TAF1A: variants seen among roughly 807,000 people sequenced by gnomAD.
TAF1A encodes TATA-box binding protein associated factor, RNA polymerase I subunit A, also known as TATA box-binding protein-associated factor RNA polymerase I subunit A.
A neutral mutation model predicts 61.6 loss-of-function variants in TAF1A; 42 were observed. That is an observed-to-expected ratio of 0.68 (90% CI 0.53 to 0.88). The LOEUF (loss-of-function observed/expected upper bound fraction) is 0.88, where lower values mean the gene tolerates loss of function less well. TAF1A is among the 40% of genes least tolerant of loss of function. The pLI is 0.00. For missense variants in TAF1A, 424 were observed against 518.7 expected (o/e 0.82, Z 1.77); for synonymous variants, 179 against 177.7 (o/e 1.01, Z -0.06).
rs751512229 is a variant in TAF1A, at chr1:222,558,684, G to A, written c.1329C>T (p.Tyr443=). 6.4e-7 allele frequency: 1 copy of A among 1,568,134 alleles called. No homozygotes were observed. Among genetic ancestry groups the A allele is most frequent in the East Asian group, 2.3e-5 (1 of 44,052 alleles). The change falls in exon 11 of 11, where the codon TAC becomes TAT. Residue 443 remains tyrosine (Y), a synonymous_variant. Transcript: ENST00000352967. ...ATCAGAGTCTTGGATTTACAATACT[G>A]TATTTTTTCACAGATCTCTTCATCC... The part of the protein sequence containing the change: ...IKRMKRSVKK[Y]SIVNPRL
At chr1:222,557,648 G>T (rs978714143), downstream of TAF1A, among the ~76,000 whole-genome samples, 7 of 151,772 alleles carry the variant, frequency 4.6e-5, no homozygotes, top group African/African-American at 9.7e-5. Context: ...GTAGAGACAG[G>T]GTTTCACCAT....
chr1:222,567,271 C>A (rs1319392), intron 7 of TAF1A, among the ~76,000 whole-genome samples: 31,604 of 151,962 alleles, frequency 0.21, 4,277 homozygotes, highest in African/African-American at 0.4. Flanking sequence ...TGGAAATTAG[C>A]ACAGAGGTTT....
intron 8 of TAF1A, 115 bp from the exon 9 acceptor site, chr1:222,563,411 A>T: frequency 8.7e-7 from 1 of 1,147,798 alleles, no homozygotes; most frequent in Non-Finnish European, 1.2e-6. Context: ...GTTGTTGATA[A>T]AATACTGAAT....
At chr1:222,559,821 A>C (rs1451793799) in intron 10 of TAF1A, among the ~76,000 whole-genome samples, 2 of 152,068 alleles carry the variant, frequency 1.3e-5, no homozygotes, top group Non-Finnish European at 1.5e-5. Flanking sequence ...CCAGCTAGTA[A>C]CGTTTTACTA....
intron 7 of TAF1A, 101 bp from the exon 8 acceptor site, chr1:222,564,226 C>T (rs3008640): frequency 1 from 540,956 of 540,998 alleles, 270,457 homozygotes; most frequent in Middle Eastern, 1. Flanking sequence ...TAATATGCTC[C>T]CTTTAAATTT....
chr1:222,558,440 A>G lies in TAF1A; in HGVS notation c.*220T>C. ...TGAAGAATTATTCCTTAACAAATGT[A>G]ACATTTAACATTACAAAAAAGAAAA... is the stretch of plus-strand genomic sequence containing the variant. On this transcript the variant is annotated 3_prime_UTR_variant, in exon 11 of 11. Coordinates refer to ENST00000352967, the MANE Select transcript of TAF1A (RefSeq NM_005681.4). 4.4e-6 allele frequency: 1 copy of G among 226,712 alleles called. No homozygotes were observed. The highest frequency in any genetic ancestry group is 8.4e-6 in the Non-Finnish European group (1 of 118,344). The allele number at this position is 226,712 out of a possible 1,614,324, so 14.0% of individuals were successfully genotyped here.
chr1:222,558,008 C>G (rs780895395), downstream of TAF1A: 2 of 151,638 alleles, frequency 1.3e-5, no homozygotes, highest in Non-Finnish European at 2.9e-5. Flanking sequence ...TTCAGCCTCC[C>G]GAGTATCTGG....
intron 3 of TAF1A, among the ~76,000 whole-genome samples, chr1:222,580,245 CTCT>C: frequency 6.6e-6 from 1 of 152,162 alleles, no homozygotes; most frequent in African/African-American, 2.4e-5. Flanking sequence ...TGGTCTCAGC[CTCT>C]TCTTCATCAT....
chr1:222,588,407 A>G (rs1385936331), intron 2 of TAF1A, 36 bp downstream of exon 2: 1 of 1,601,160 alleles, frequency 6.2e-7, no homozygotes, highest in African/African-American at 1.3e-5. Flanking sequence ...CCACCTCCTT[A>G]AAGTTAAAAT....
chr1:222,588,502 G>A lies in TAF1A; in HGVS notation c.62C>T (p.Ser21Phe), dbSNP rs754230635. 1.2e-6 allele frequency: 2 copies of A among 1,614,066 alleles called. No homozygotes were observed. The highest frequency in any genetic ancestry group is 2.2e-5 in the South Asian group (2 of 91,078). ...ATGCATTCCTGCACCACTGAGCACA[G>A]ATGTTTCCACTTCTTCATCATCTGT... ...PVTDDEEVET[S>F]VLSGAGMHFP... The change falls in exon 2 of 11, where the codon TCT becomes TTT. Residue 21 changes from serine to phenylalanine, a missense_variant. Transcript: ENST00000352967.
At chr1:222,563,380 GTATA>G in intron 8 of TAF1A, 84 bp from the exon 9 acceptor site, 1 of 1,371,600 alleles carries the variant, frequency 7.3e-7, no homozygotes, top group South Asian at 1.3e-5. Context: ...TTTATCAACT[GTATA>G]TATACTTTAC....
intron 10 of TAF1A, 139 bp downstream of exon 10, chr1:222,561,225 C>G: frequency 1.3e-6 from 1 of 760,006 alleles, no homozygotes; most frequent in Admixed American, 3.4e-5. Context: ...TCAGGATTCA[C>G]TCTTCCATTG....
chr1:222,575,992 G>C (rs2173401), intron 5 of TAF1A, among the ~76,000 whole-genome samples: 16,443 of 152,066 alleles, frequency 0.11, 1,024 homozygotes, highest in East Asian at 0.15. Flanking sequence ...TATTACACCA[G>C]AAAATATGAC....
At position 222,567,487 on chromosome 1, in the gene TAF1A, T is replaced by C. The variant is rs372576264; in HGVS notation, c.894+2023A>G. 4.6e-5 allele frequency among the ~76,000 whole-genome samples: 7 copies of C among 152,290 alleles called. No homozygotes were observed. The South Asian group carries it at 6.2e-4, about 14-fold the overall frequency. On this transcript the variant is annotated intron_variant, in intron 7 of 10. Transcript: ENST00000352967. ...GTATATATTTTCCCACAATTTAAAATGTTAAGCAATATTATATACAACAAC... is the reference window on the plus strand; with the variant it reads ...GTATATATTTTCCCACAATTTAAAACGTTAAGCAATATTATATACAACAAC...
chr1:222,555,069 G>A (rs1399808402), downstream of TAF1A, among the ~76,000 whole-genome samples: 3 of 152,200 alleles, frequency 2.0e-5, no homozygotes, highest in African/African-American at 2.4e-5. Flanking sequence ...CAGTCACGAC[G>A]GAAATGCTAA....
chr1:222,566,439 A>G (rs1192586397), intron 7 of TAF1A, among the ~76,000 whole-genome samples: 1 of 152,204 alleles, frequency 6.6e-6, no homozygotes, highest in Non-Finnish European at 1.5e-5. Flanking sequence ...ATATTATTAC[A>G]TTATAATATA....
chr1:222,588,379 T>C lies in TAF1A; in HGVS notation c.121+64A>G, dbSNP rs886170393. ...TAAACCAGTCTGGTTATTCATTTTG[T>C]ATCCCTATTGAATCTTACCACCTCC... is the stretch of plus-strand genomic sequence containing the variant. On this transcript the variant is annotated intron_variant, in intron 2 of 10. Transcript: ENST00000352967. 2.0e-5 allele frequency: 31 copies of C among 1,551,126 alleles called. No individual in the cohort carries two copies. The African/African-American group carries it at 3.7e-4, about 19-fold the overall frequency.
At chr1:222,569,316 C>T (rs1227881865) in intron 7 of TAF1A, 194 bp downstream of exon 7, 1 of 1,511,456 alleles carries the variant, frequency 6.6e-7, no homozygotes, top group Non-Finnish European at 8.8e-7. Context: ...TCAGTCTCAT[C>T]CGGGCAGCAG....
intron 7 of TAF1A, among the ~76,000 whole-genome samples, chr1:222,565,752 C>T (rs1240173013): frequency 6.6e-6 from 1 of 152,140 alleles, no homozygotes; most frequent in African/African-American, 2.4e-5. Context: ...GTCCCAGCTA[C>T]TCGGGAGGCT....
Sources: allele counts gnomAD v4.1 joint callset (sites outside exome capture counted in the v4.1 genomes callset), GRCh38; gene constraint gnomAD v4.1.1; transcripts MANE v1.5; gene names NCBI Gene and HGNC (gene_info 2026-07-23, HGNC 2026-07-21).